NGFR: variants seen among roughly 807,000 people sequenced by gnomAD.
The protein encoded by NGFR is nerve growth factor receptor.
In NGFR, 30 loss-of-function variants were observed where a neutral mutation model predicts 43.2. The ratio of observed to expected loss-of-function variants is 0.69; its 90% CI spans 0.52 to 0.94. The LOEUF (loss-of-function observed/expected upper bound fraction) is 0.94, where lower values mean the gene tolerates loss of function less well. Among genes scored for constraint, NGFR ranks in the 40% least tolerant of loss-of-function variants. The probability of loss-of-function intolerance (pLI) is 0.00; values close to 1 mark genes in which losing one functional copy is unlikely to be tolerated. For missense variants in NGFR, 529 were observed against 602.5 expected (o/e 0.88, Z 1.28); for synonymous variants, 246 against 259.6 (o/e 0.95, Z 0.50).
chr17:49,503,115 T>C (rs1166140153), intron 2 of NGFR, among the ~76,000 whole-genome samples: 1 of 152,118 alleles, frequency 6.6e-6, no homozygotes, highest in African/African-American at 2.4e-5. Flanking sequence ...AGATGGGGTT[T>C]TACCATGTGG....
chr17:49,500,212 A>G (rs1466748549), intron 1 of NGFR, among the ~76,000 whole-genome samples: 1 of 152,212 alleles, frequency 6.6e-6, no homozygotes, highest in African/African-American at 2.4e-5. Context: ...TGCTCCAGAG[A>G]CAGGGAAGGG....
At chr17:49,499,300 G>A (rs2071154475) in intron 1 of NGFR, among the ~76,000 whole-genome samples, 1 of 152,198 alleles carries the variant, frequency 6.6e-6, no homozygotes, top group African/African-American at 2.4e-5. Flanking sequence ...GATCTCCTCA[G>A]CTGTCCAGAG....
intron 3 of NGFR, 42 bp downstream of exon 3, chr17:49,506,700 G>GCC: frequency 2.1e-6 from 1 of 485,202 alleles, no homozygotes; most frequent in South Asian, 4.1e-5. Flanking sequence ...GGGTGCGGGG[G>GCC]TGGGCTGGGG....
intron 1 of NGFR, among the ~76,000 whole-genome samples, chr17:49,498,490 C>T (rs748185113): frequency 6.6e-6 from 1 of 152,180 alleles, no homozygotes; most frequent in Non-Finnish European, 1.5e-5. Context: ...GCGGTGACCA[C>T]GGCCCCATTC....
At chr17:49,503,555 T>A (rs1364994155) in intron 2 of NGFR, among the ~76,000 whole-genome samples, 1 of 152,094 alleles carries the variant, frequency 6.6e-6, no homozygotes, top group Non-Finnish European at 1.5e-5. Context: ...CCTCTGGATG[T>A]CCCCCCTGAG....
At chr17:49,501,651 G>A (rs1478121969) in intron 1 of NGFR, among the ~76,000 whole-genome samples, 2 of 152,242 alleles carry the variant, frequency 1.3e-5, no homozygotes, top group Non-Finnish European at 2.9e-5. Context: ...TTTGGGATAG[G>A]TTTCAGCTCT....
At chr17:49,510,186 AC>A (rs570162813) in intron 3 of NGFR, among the ~76,000 whole-genome samples, 187 of 152,302 alleles carry the variant, frequency 1.2e-3, no homozygotes, top group African/African-American at 4.4e-3. Context: ...GGCCAGAGTC[AC>A]CCAGCAAGTC....
chr17:49,506,701 T>TGGGGGGGGGGGGGGGGG, intron 3 of NGFR, 43 bp downstream of exon 3: 4 of 148,984 alleles, frequency 2.7e-5, no homozygotes, highest in East Asian at 2.7e-4. Flanking sequence ...GGTGCGGGGG[T>TGGGGGGGGGGGGGGGGG]GGGCTGGGGG....
chr17:49,512,150 A>C lies in NGFR; in HGVS notation c.982+98A>C. 6.9e-7 allele frequency: 1 copy of C among 1,445,464 alleles called. No individual in the cohort carries two copies. The highest frequency in any genetic ancestry group is 2.5e-5 in the East Asian group (1 of 40,288). 89.5% of individuals were successfully genotyped at this position (1,445,464 alleles called of 1,614,324 possible). A position where few individuals can be genotyped will look rare whatever the true frequency, so the allele number is the denominator to read the frequency against. On this transcript the variant is annotated intron_variant, in intron 5 of 5. Coordinates refer to ENST00000172229, the MANE Select transcript of NGFR (RefSeq NM_002507.4). The surrounding 1 kb of genome is among the most constrained non-coding windows in gnomAD (Gnocchi z 5.2). ...CAGGAAGGACTGTCGGGGGGGCGGCAGGGCTGGCTCAGCGGTGCCCCTGTA... is the reference window on the plus strand; with the variant it reads ...CAGGAAGGACTGTCGGGGGGGCGGCCGGGCTGGCTCAGCGGTGCCCCTGTA...
intron 1 of NGFR, 63 bp from the exon 2 acceptor site, chr17:49,502,000 A>AGGGCCCCCC: frequency 1.1e-5 from 3 of 264,884 alleles, no homozygotes; most frequent in Non-Finnish European, 2.4e-5. Context: ...CCCCGGAAGA[A>AGGGCCCCCC]CCCCCCCCAA....
chr17:49,502,000 A>ACCGGCC, intron 1 of NGFR, 63 bp from the exon 2 acceptor site: 4 of 264,886 alleles, frequency 1.5e-5, no homozygotes, highest in East Asian at 8.6e-5. Flanking sequence ...CCCCGGAAGA[A>ACCGGCC]CCCCCCCCAA....
At chr17:49,510,725 T>C in intron 4 of NGFR, 61 bp downstream of exon 4, 7 of 1,591,434 alleles carry the variant, frequency 4.4e-6, no homozygotes, top group Non-Finnish European at 6.0e-6. Context: ...AAGACTTTGC[T>C]GTGACCTTGA....
chr17:49,498,131 C>T (rs1439837876), intron 1 of NGFR, among the ~76,000 whole-genome samples: 1 of 152,110 alleles, frequency 6.6e-6, no homozygotes, highest in African/African-American at 2.4e-5. Context: ...TCAGTGGTGG[C>T]GTCTTTGTTG....
chr17:49,509,206 C>T (rs999054241), intron 3 of NGFR, among the ~76,000 whole-genome samples: 7 of 149,620 alleles, frequency 4.7e-5, no homozygotes, highest in Admixed American at 2.6e-4. Context: ...GTGCTGAAAA[C>T]GGGCCTTTGA....
intron 2 of NGFR, among the ~76,000 whole-genome samples, chr17:49,502,815 T>TCTTC (rs10672288): frequency 0.27 from 33,307 of 121,194 alleles, 4,927 homozygotes; most frequent in East Asian, 0.4. Flanking sequence ...GCCTGGGATT[T>TCTTC]CTTCCTTCCT....
At chr17:49,502,018 C>CCCCCCCAAAA in intron 1 of NGFR, 45 bp from the exon 2 acceptor site, 6 of 1,320,338 alleles carry the variant, frequency 4.5e-6, no homozygotes, top group Non-Finnish European at 5.0e-6. Flanking sequence ...CAACCCACCC[C>CCCCCCCAAAA]AGCTTTCTCT....
In NGFR at chr17:49,512,917, C is replaced by G; in HGVS notation, c.1192C>G (p.Leu398Val). Residue 398 changes from leucine to valine, a missense_variant, in exon 6 of 6, where the codon CTG becomes GTG. Coordinates refer to ENST00000172229, the MANE Select transcript of NGFR (RefSeq NM_002507.4). The surrounding 1 kb of genome is among the most constrained non-coding windows in gnomAD (Gnocchi z 5.2). ...CTGGGCCACCCAGGACAGCGCCACACTGGACGCCCTCCTGGCCGCCCTGCG... is the reference window on the plus strand; with the variant it reads ...CTGGGCCACCCAGGACAGCGCCACAGTGGACGCCCTCCTGGCCGCCCTGCG... ...ASWATQDSAT[L>V]DALLAALRRI... 2 of 1,612,474 alleles carry G rather than the reference C, an allele frequency of 1.2e-6. No individual in the cohort carries two copies. Among genetic ancestry groups the G allele is most frequent in the African/African-American group, 1.3e-5 (1 of 75,030 alleles).
Position 49,513,357 on chromosome 17 carries a change from A to C in NGFR, c.*348A>C. ...CAGGTGTCATATATGGGGGGCCAAC[A>C]CCAGGGATGGTACTAGGGGGAAGTG... On this transcript the variant is annotated 3_prime_UTR_variant, in exon 6 of 6. Transcript: ENST00000172229. 6.8e-6 allele frequency: 2 copies of C among 294,730 alleles called. No individual in the cohort carries two copies. Among genetic ancestry groups the C allele is most frequent in the East Asian group, 6.7e-5 (1 of 15,014 alleles). 18.3% of individuals were successfully genotyped at this position (294,730 alleles called of 1,614,324 possible).
In NGFR at chr17:49,504,897, G is replaced by A. The variant is rs150526143; in HGVS notation, c.209-1402G>A. 6.7e-3 allele frequency among the ~76,000 whole-genome samples: 1,007 copies of A among 149,968 alleles called. 40 individuals carry two copies. The East Asian group carries it at 0.12, about 19-fold the overall frequency. Reference sequence around the variant, plus strand: ...AGCAATCCTCCCACCTCAGCTTCCCGAGTAGCTGGGATTACAGACGTGCAC... The same window carrying A: ...AGCAATCCTCCCACCTCAGCTTCCCAAGTAGCTGGGATTACAGACGTGCAC... On this transcript the variant is annotated intron_variant, in intron 2 of 5. Coordinates refer to ENST00000172229, the MANE Select transcript of NGFR (RefSeq NM_002507.4).
Sources: allele counts gnomAD v4.1 joint callset (sites outside exome capture counted in the v4.1 genomes callset), GRCh38; gene constraint gnomAD v4.1.1; non-coding constraint Gnocchi (gnomAD v3.1); transcripts MANE v1.5; gene names NCBI Gene and HGNC (gene_info 2026-07-23, HGNC 2026-07-21).